SGCZ: variants seen among roughly 807,000 people sequenced by gnomAD.
SGCZ encodes the protein sarcoglycan zeta.
In SGCZ, 40 loss-of-function variants were observed where a neutral mutation model predicts 41.3. The ratio of observed to expected loss-of-function variants is 0.97; its 90% CI spans 0.75 to 1.26. SGCZ has a LOEUF of 1.26. SGCZ is among the 50% of genes most tolerant of loss of function. The probability of loss-of-function intolerance (pLI) is 0.00; values close to 1 mark genes in which losing one functional copy is unlikely to be tolerated. For synonymous variants in SGCZ, 206 were observed against 137.5 expected (o/e 1.50, Z -3.49); for missense variants, 552 against 369.8 (o/e 1.49, Z -4.04).
At chr8:14,278,567 T>C (rs781597519) in intron 3 of SGCZ, among the ~76,000 whole-genome samples, 1 of 152,130 alleles carries the variant, frequency 6.6e-6, no homozygotes, top group African/African-American at 2.4e-5. Context: ...TGAAAAATAG[T>C]ATTAAAAGAA....
At chr8:14,734,657 A>G (rs947051995) in intron 1 of SGCZ, among the ~76,000 whole-genome samples, 17 of 152,154 alleles carry the variant, frequency 1.1e-4, no homozygotes, top group Non-Finnish European at 2.1e-4. Flanking sequence ...GACAATTCCA[A>G]TGTGCTGTGT....
At chr8:14,528,838 C>A (rs7820047) in intron 2 of SGCZ, among the ~76,000 whole-genome samples, 135,093 of 141,856 alleles carry the variant, frequency 0.95, 64,306 homozygotes, top group Middle Eastern at 0.99. Flanking sequence ...AAAAAAAAAA[C>A]AAAACAAAAA....
chr8:14,585,508 G>T (rs990904007), intron 1 of SGCZ, among the ~76,000 whole-genome samples: 2 of 151,892 alleles, frequency 1.3e-5, no homozygotes, highest in African/African-American at 4.8e-5. Context: ...TTCTCCAAAG[G>T]TTGCAATATT....
At chr8:14,478,864 A>C (rs75195229) in intron 2 of SGCZ, among the ~76,000 whole-genome samples, 3,923 of 152,198 alleles carry the variant, frequency 0.026, 182 homozygotes, top group African/African-American at 0.089. Flanking sequence ...AAAAGGTAGT[A>C]ATCTGGCAAG....
intron 1 of SGCZ, among the ~76,000 whole-genome samples, chr8:14,772,552 A>G (rs1040853781): frequency 2.7e-5 from 4 of 147,386 alleles, no homozygotes; most frequent in African/African-American, 9.9e-5. Context: ...AGCATTAGGT[A>G]TATCTCCTAA....
intron 1 of SGCZ, among the ~76,000 whole-genome samples, chr8:14,792,025 A>G (rs1382224684): frequency 6.6e-6 from 1 of 152,220 alleles, no homozygotes; most frequent in Non-Finnish European, 1.5e-5. Flanking sequence ...GCCGTCTAGC[A>G]TGTTCTCAGT....
At chr8:14,302,506 C>T (rs1391033984) in intron 3 of SGCZ, among the ~76,000 whole-genome samples, 3 of 151,984 alleles carry the variant, frequency 2.0e-5, no homozygotes, top group African/African-American at 7.3e-5. Context: ...CTTCCTCCTC[C>T]CAGAACATCA....
chr8:14,644,593 G>C (rs1245095559), intron 1 of SGCZ, among the ~76,000 whole-genome samples: 1 of 151,742 alleles, frequency 6.6e-6, no homozygotes, highest in East Asian at 1.9e-4. Flanking sequence ...AAATCAATGA[G>C]TTTTGGGTCA....
chr8:14,467,792 C>G (rs7815396), intron 2 of SGCZ, among the ~76,000 whole-genome samples: 1 of 151,874 alleles, frequency 6.6e-6, no homozygotes, highest in Non-Finnish European at 1.5e-5. Context: ...TTACATCATA[C>G]TGTAATAGTA....
chr8:14,778,705 G>T (rs1210382831), intron 1 of SGCZ, among the ~76,000 whole-genome samples: 2 of 152,162 alleles, frequency 1.3e-5, no homozygotes, highest in African/African-American at 4.8e-5. Flanking sequence ...ACCCATATGG[G>T]CAGTAAACAT....
chr8:14,748,137 T>C (rs377382678), intron 1 of SGCZ, among the ~76,000 whole-genome samples: 4 of 152,262 alleles, frequency 2.6e-5, no homozygotes, highest in East Asian at 3.9e-4. Flanking sequence ...GCTTCATGAA[T>C]ATTAAGTTAA....
intron 1 of SGCZ, among the ~76,000 whole-genome samples, chr8:15,171,223 A>C (rs1799818542): frequency 6.6e-6 from 1 of 152,230 alleles, no homozygotes; most frequent in African/African-American, 2.4e-5. Context: ...TTCCTGAATT[A>C]TAATCATCAT....
chr8:15,020,528 A>T (rs2130941363), intron 1 of SGCZ, among the ~76,000 whole-genome samples: 1 of 152,232 alleles, frequency 6.6e-6, no homozygotes, highest in South Asian at 2.1e-4. Context: ...TTCTTGATTA[A>T]AATATAATCG....
rs1409691492 is a variant in SGCZ, at chr8:14,324,341, CTTAA to C, written c.235-141_235-138del. The C allele has an allele frequency of 5.9e-6, 4 of 681,444 alleles. No individual in the cohort carries two copies. The East Asian group carries it at 8.1e-5, about 14-fold the overall frequency. 42.2% of individuals were successfully genotyped at this position (681,444 alleles called of 1,614,324 possible). ...TAAGGAAAATGAGAGATTGAATCTA[CTTAA>C]TTAATGTTTGCAGCCCTTTGCATGC... is the stretch of plus-strand genomic sequence containing the variant. On this transcript the variant is annotated intron_variant, in intron 2 of 7. Transcript: ENST00000382080.
chr8:14,827,591 G>A (rs532411290), intron 1 of SGCZ, among the ~76,000 whole-genome samples: 1 of 152,214 alleles, frequency 6.6e-6, no homozygotes, highest in African/African-American at 2.4e-5. Flanking sequence ...TGCACGGGTT[G>A]TGAAAAAGAA....
At chr8:15,114,047 A>T (rs1317894927) in intron 1 of SGCZ, among the ~76,000 whole-genome samples, 1 of 152,210 alleles carries the variant, frequency 6.6e-6, no homozygotes, top group Non-Finnish European at 1.5e-5. Context: ...GTCTCCTGCC[A>T]GATTAGAGAA....
chr8:14,967,614 C>A (rs568211266), intron 1 of SGCZ, among the ~76,000 whole-genome samples: 1 of 152,162 alleles, frequency 6.6e-6, no homozygotes, highest in African/African-American at 2.4e-5. Flanking sequence ...ACTTTTCCAT[C>A]CCAAACCTCT....
chr8:14,154,589 G>A (rs1282155799), intron 5 of SGCZ, among the ~76,000 whole-genome samples: 1 of 152,140 alleles, frequency 6.6e-6, no homozygotes, highest in Non-Finnish European at 1.5e-5. Flanking sequence ...GAAAAGTCAT[G>A]TGCATAATTT....
chr8:14,201,747 A>T (rs2117071789), intron 4 of SGCZ, among the ~76,000 whole-genome samples: 1 of 152,264 alleles, frequency 6.6e-6, no homozygotes, highest in East Asian at 1.9e-4. Context: ...CTCTATACTG[A>T]AGTAGGAAAA....
Sources: gnomAD v4.1 joint callset for allele counts (sites outside exome capture counted in the v4.1 genomes callset) on GRCh38, gnomAD v4.1.1 for gene constraint, MANE v1.5 for transcripts, NCBI Gene and HGNC (gene_info 2026-07-23, HGNC 2026-07-21) for gene names.